Variants in RBFOX1 observed in about 807,000 individuals in gnomAD.
RBFOX1 encodes RNA binding fox-1 homolog 1, also known as RNA binding protein fox-1 homolog 1.
In RBFOX1, 8 loss-of-function variants were observed where a neutral mutation model predicts 57.7. That is an observed-to-expected ratio of 0.14 (90% CI 0.08 to 0.25). The LOEUF is 0.25. RBFOX1 is among the 10% of genes least tolerant of loss of function. The pLI, the probability that RBFOX1 is intolerant of heterozygous loss-of-function variation, is 1.00. For synonymous variants in RBFOX1, 326 were observed against 222.4 expected (o/e 1.47, Z -4.15); for missense variants, 611 against 548.5 (o/e 1.11, Z -1.14).
intron 2 of RBFOX1, among the ~76,000 whole-genome samples, chr16:6,592,987 G>A (rs1269474920): frequency 6.6e-6 from 1 of 152,158 alleles, no homozygotes; most frequent in African/African-American, 2.4e-5. Flanking sequence ...GAGGTCAGGA[G>A]TTCACGACTA....
At position 6,675,986 on chromosome 16, in the gene RBFOX1, C is replaced by A. The variant is rs1440479640; in HGVS notation, c.-16+21336C>A. 3.3e-5 allele frequency among the ~76,000 whole-genome samples: 5 copies of A among 151,902 alleles called. No homozygotes were observed. The East Asian group carries it at 9.7e-4, about 29-fold the overall frequency. Reference sequence around the variant, plus strand: ...ACAAGCGTCAGCTTTACGTGGACACCAAGGGCGATGGGAGAGGAGAGGTTC... The same window carrying A: ...ACAAGCGTCAGCTTTACGTGGACACAAAGGGCGATGGGAGAGGAGAGGTTC... On this transcript the variant is annotated intron_variant, in intron 3 of 15. Transcript: ENST00000550418.
intron 5 of RBFOX1, among the ~76,000 whole-genome samples, chr16:7,541,541 C>T (rs947250751): frequency 2.6e-5 from 4 of 151,998 alleles, no homozygotes; most frequent in Non-Finnish European, 5.9e-5. Flanking sequence ...AAATATATGT[C>T]CGTTTGCATT....
intron 3 of RBFOX1, among the ~76,000 whole-genome samples, chr16:5,665,799 C>T (rs1005783664): frequency 2.6e-5 from 4 of 152,202 alleles, no homozygotes; most frequent in South Asian, 2.1e-4. Flanking sequence ...GTCGTGCTCC[C>T]GGGTTTATAC....
At chr16:7,026,557 G>T (rs112845461) in intron 3 of RBFOX1, among the ~76,000 whole-genome samples, 1 of 151,832 alleles carries the variant, frequency 6.6e-6, no homozygotes, top group Non-Finnish European at 1.5e-5. Flanking sequence ...GCTTCATACG[G>T]CTTCTCCCCG....
At chr16:6,455,151 C>T (rs549645772) in intron 2 of RBFOX1, among the ~76,000 whole-genome samples, 37 of 151,858 alleles carry the variant, frequency 2.4e-4, no homozygotes, top group African/African-American at 8.2e-4. Context: ...CCCTGGCCTC[C>T]CAAAGTGCTG....
At chr16:7,558,914 C>T (rs913358161) in intron 5 of RBFOX1, among the ~76,000 whole-genome samples, 4 of 152,180 alleles carry the variant, frequency 2.6e-5, no homozygotes, top group African/African-American at 7.2e-5. Flanking sequence ...TGCTAGTGGG[C>T]ATTTATGCTA....
chr16:7,534,090 T>TC (rs1261257940), intron 5 of RBFOX1, among the ~76,000 whole-genome samples: 1 of 146,552 alleles, frequency 6.8e-6, no homozygotes, highest in African/African-American at 2.5e-5. Flanking sequence ...TTTTTTCTTT[T>TC]TTTTTTTTTT....
chr16:7,301,011 C>A (rs535120820), intron 4 of RBFOX1, among the ~76,000 whole-genome samples: 1 of 151,098 alleles, frequency 6.6e-6, no homozygotes, highest in Admixed American at 6.7e-5. Context: ...CCCACTTCTC[C>A]CATTTATTGA....
At chr16:7,092,140 C>G (rs1215550329) in intron 4 of RBFOX1, among the ~76,000 whole-genome samples, 3 of 152,190 alleles carry the variant, frequency 2.0e-5, no homozygotes, top group Admixed American at 2.0e-4. Context: ...AACATGCACA[C>G]ACACCCTTCT....
chr16:7,701,498 T>C (rs1275697806), intron 14 of RBFOX1, among the ~76,000 whole-genome samples: 1 of 152,144 alleles, frequency 6.6e-6, no homozygotes, highest in South Asian at 2.1e-4. Context: ...TGATCTGAAG[T>C]GGAACAGTTT....
rs77311567 is a variant in RBFOX1 at position 5,842,034 on chromosome 16, G to C, written c.319-25269G>C. 4.9e-3 allele frequency among the ~76,000 whole-genome samples: 752 copies of C among 152,286 alleles called. 6 individuals carry two copies. The highest frequency in any genetic ancestry group is 0.018 in the African/African-American group (729 of 41,548). On this transcript the variant is annotated intron_variant, in intron 3 of 19. Transcript: ENST00000641259. ...CCTCTCCCTGTGCTGATGGCATTCA[G>C]GCTTCTTCTGCCTGCAGGTAGATGG...
chr16:6,857,740 C>T (rs1203887670), intron 3 of RBFOX1, among the ~76,000 whole-genome samples: 2 of 152,130 alleles, frequency 1.3e-5, no homozygotes, highest in African/African-American at 4.8e-5. Flanking sequence ...TTGGGAGAGG[C>T]AGGGAGAGCA....
At chr16:6,272,142 T>C (rs117626124) in intron 1 of RBFOX1, among the ~76,000 whole-genome samples, 1,589 of 152,316 alleles carry the variant, frequency 0.01, 16 homozygotes, top group Middle Eastern at 0.044. Context: ...TGGTTCAATA[T>C]TTACAATTAA....
intron 4 of RBFOX1, among the ~76,000 whole-genome samples, chr16:7,516,515 T>C (rs2076387045): frequency 6.6e-6 from 1 of 152,172 alleles, no homozygotes; most frequent in Admixed American, 6.5e-5. Flanking sequence ...CTGCATGTCT[T>C]CTTTGGCTTC....
At chr16:6,370,698 G>A (rs1284240257) in intron 2 of RBFOX1, among the ~76,000 whole-genome samples, 1 of 152,172 alleles carries the variant, frequency 6.6e-6, no homozygotes, top group Admixed American at 6.5e-5. Flanking sequence ...AGAATGGGGA[G>A]TTGATGTTTA....
chr16:6,949,437 G>A (rs925929722), intron 3 of RBFOX1, among the ~76,000 whole-genome samples: 9 of 152,170 alleles, frequency 5.9e-5, no homozygotes, highest in Non-Finnish European at 1.2e-4. Flanking sequence ...CACAGGCTGG[G>A]TTGCGTAAGC....
intron 4 of RBFOX1, among the ~76,000 whole-genome samples, chr16:7,148,378 T>C (rs2075446118): frequency 6.6e-6 from 1 of 152,244 alleles, no homozygotes; most frequent in East Asian, 1.9e-4. Flanking sequence ...ATTAATTTTT[T>C]GCATTAACCA....
At chr16:6,929,769 G>C (rs978233215) in intron 3 of RBFOX1, among the ~76,000 whole-genome samples, 2 of 152,056 alleles carry the variant, frequency 1.3e-5, no homozygotes, top group Non-Finnish European at 2.9e-5. Context: ...TCGTTTCAGG[G>C]AATATCCTGT....
chr16:6,278,822 A>G (rs1599113438), intron 1 of RBFOX1, among the ~76,000 whole-genome samples: 1 of 152,218 alleles, frequency 6.6e-6, no homozygotes, highest in Non-Finnish European at 1.5e-5. Context: ...AGACAGCTTA[A>G]CAGCATTGTA....
Sources: allele counts gnomAD v4.1 joint callset (sites outside exome capture counted in the v4.1 genomes callset), GRCh38; gene constraint gnomAD v4.1.1; transcripts MANE v1.5; gene names NCBI Gene and HGNC (gene_info 2026-07-23, HGNC 2026-07-21).